The following MARCO variants were observed in gnomAD, a reference collection of about 807,000 sequenced individuals.
MARCO encodes macrophage receptor MARCO.
A neutral mutation model predicts 70.0 loss-of-function variants in MARCO; 72 were observed. The ratio of observed to expected loss-of-function variants is 1.03; its 90% confidence interval spans 0.85 to 1.25. The LOEUF is 1.25. Ranked by LOEUF, MARCO falls within the 50% of genes most tolerant of loss-of-function variation. The probability of loss-of-function intolerance (pLI) is 0.00; values close to 1 mark genes in which losing one functional copy is unlikely to be tolerated. For missense variants in MARCO, 696 were observed against 659.3 expected, an observed-to-expected ratio of 1.06 and a Z score of -0.61; for synonymous variants, 273 against 243.1, an observed-to-expected ratio of 1.12 and a Z score of -1.14.
intron 16 of MARCO, among the ~76,000 whole-genome samples, 174 bp downstream of exon 16, chr2:118,993,474 G>A (rs76583727): frequency 0.032 from 4,798 of 152,256 alleles, 107 homozygotes; most frequent in Non-Finnish European, 0.048. Flanking sequence ...TTCCAGCTTG[G>A]CAACCCCAGC....
At chr2:118,985,963 G>GAGCCAAAA (rs1417275380) in intron 12 of MARCO, among the ~76,000 whole-genome samples, 1 of 152,128 alleles carries the variant, frequency 6.6e-6, no homozygotes, top group African/African-American at 2.4e-5. Flanking sequence ...ATTTGAAGAT[G>GAGCCAAAA]TTTTACTTTA....
intron 12 of MARCO, among the ~76,000 whole-genome samples, chr2:118,989,367 G>C (rs17796260): frequency 0.011 from 1,635 of 152,150 alleles, 11 homozygotes; most frequent in Middle Eastern, 0.024. Flanking sequence ...TCCCTAACAC[G>C]AGGAACAGAA....
chr2:118,978,726 T>A (rs1477678376), intron 8 of MARCO, among the ~76,000 whole-genome samples: 1 of 152,204 alleles, frequency 6.6e-6, no homozygotes, highest in Non-Finnish European at 1.5e-5. Flanking sequence ...ATTAGATATA[T>A]TTTACAAGAC....
At chr2:118,992,337 C>T (rs1373869253) in intron 14 of MARCO, 95 bp from the exon 15 acceptor site, 64 of 1,024,450 alleles carry the variant, frequency 6.2e-5, no homozygotes, top group Non-Finnish European at 7.0e-5. Flanking sequence ...TCTGACCACT[C>T]CCAACCCTCC....
intron 4 of MARCO, 41 bp downstream of exon 4, chr2:118,971,575 A>G (rs1680172171): frequency 2.5e-6 from 4 of 1,609,626 alleles, no homozygotes; most frequent in Non-Finnish European, 3.4e-6. Context: ...CTCTTTCCCC[A>G]AAACCTCCCC....
intron 12 of MARCO, among the ~76,000 whole-genome samples, chr2:118,989,335 C>A (rs911137507): frequency 6.6e-6 from 1 of 152,174 alleles, no homozygotes; most frequent in Non-Finnish European, 1.5e-5. Flanking sequence ...AAAAACCTAT[C>A]CCAACCTCAG....
intron 1 of MARCO, among the ~76,000 whole-genome samples, chr2:118,964,919 T>G (rs1680016550): frequency 6.6e-6 from 1 of 151,828 alleles, no homozygotes; most frequent in Non-Finnish European, 1.5e-5. Flanking sequence ...CCTTTATAAG[T>G]AATGTGCCAT....
intron 12 of MARCO, among the ~76,000 whole-genome samples, chr2:118,983,916 G>A (rs1399588103): frequency 6.6e-6 from 1 of 152,148 alleles, no homozygotes; most frequent in Non-Finnish European, 1.5e-5. Flanking sequence ...CCAAGCTTGT[G>A]TCTTCCACAG....
At chr2:118,963,077 T>C (rs1325862259) in intron 1 of MARCO, among the ~76,000 whole-genome samples, 1 of 151,686 alleles carries the variant, frequency 6.6e-6, no homozygotes, top group East Asian at 1.9e-4. Context: ...TTTTTCTCTA[T>C]CTTCCTATTT....
chr2:118,976,139 C>T (rs1680278847), intron 6 of MARCO, among the ~76,000 whole-genome samples: 1 of 152,190 alleles, frequency 6.6e-6, no homozygotes, highest in Non-Finnish European at 1.5e-5. Context: ...GGAGCCTCCC[C>T]TTCTCTTTAG....
chr2:118,948,392 C>T (rs1679645411), intron 1 of MARCO, among the ~76,000 whole-genome samples: 1 of 152,084 alleles, frequency 6.6e-6, no homozygotes, highest in Non-Finnish European at 1.5e-5. Context: ...CAGGGAAGAA[C>T]AAAGAAATTG....
chr2:118,964,871 G>C (rs887089627), intron 1 of MARCO, among the ~76,000 whole-genome samples: 1 of 143,682 alleles, frequency 7.0e-6, no homozygotes, highest in Non-Finnish European at 1.5e-5. Flanking sequence ...CTGGGCGACA[G>C]AGTGAGATAC....
At chr2:118,969,345 G>A in intron 2 of MARCO, 84 bp downstream of exon 2, 1 of 1,036,582 alleles carries the variant, frequency 9.6e-7, no homozygotes. Flanking sequence ...GGCTCAGGTT[G>A]AGTGGAGAGC....
At chr2:118,972,547 T>C (rs559257458) in intron 4 of MARCO, among the ~76,000 whole-genome samples, 13 of 152,098 alleles carry the variant, frequency 8.5e-5, no homozygotes, top group Non-Finnish European at 1.8e-4. Flanking sequence ...CCCCGTAAGA[T>C]GGAGATATGG....
intron 1 of MARCO, among the ~76,000 whole-genome samples, chr2:118,955,056 A>T (rs1679809115): frequency 2.0e-5 from 3 of 152,084 alleles, no homozygotes; most frequent in Admixed American, 2.0e-4. Context: ...ATAGAAAAAA[A>T]AAAAATCACA....
At chr2:118,986,713 GAAAGAA>G (rs1558671981) in intron 12 of MARCO, among the ~76,000 whole-genome samples, 5 of 99,864 alleles carry the variant, frequency 5.0e-5, no homozygotes, top group Non-Finnish European at 7.9e-5. Context: ...AAGAAAGAAA[GAAAGAA>G]AGAAAAGAAA....
chr2:118,972,774 C>T (rs2104582099), intron 4 of MARCO, among the ~76,000 whole-genome samples: 1 of 152,320 alleles, frequency 6.6e-6, no homozygotes, highest in African/African-American at 2.4e-5. Flanking sequence ...GGCTCCTCTC[C>T]TTTAAGGAGG....
rs1392880981 is a variant in MARCO, at chr2:118,974,321, C to T, written c.461-12C>T. The T allele has an allele frequency of 7.1e-6, 11 of 1,542,680 alleles. No homozygotes were observed. Among genetic ancestry groups the T allele is most frequent in the Non-Finnish European group, 6.2e-6 (7 of 1,126,230 alleles). The stretch of plus-strand genomic sequence containing the variant: ...TGACTGACTCATTAGTGTCTCTGTT[C>T]CTCTTCCTCAGGTCTTCAAGGTCAC... On this transcript the variant is annotated splice_polypyrimidine_tract_variant and intron_variant, in intron 4 of 16. Coordinates refer to ENST00000327097, the MANE Select transcript of MARCO (RefSeq NM_006770.4).
At chr2:118,959,704 A>T (rs1321387611) in intron 1 of MARCO, among the ~76,000 whole-genome samples, 3 of 152,214 alleles carry the variant, frequency 2.0e-5, no homozygotes, top group African/African-American at 7.2e-5. Flanking sequence ...ATAGCAGCAC[A>T]ATTCACAATT....
Sources: gnomAD v4.1 joint callset for allele counts (sites outside exome capture counted in the v4.1 genomes callset) on GRCh38, gnomAD v4.1.1 for gene constraint, MANE v1.5 for transcripts, NCBI Gene and HGNC (gene_info 2026-07-23, HGNC 2026-07-21) for gene names.